CELSR1: variants seen among roughly 807,000 people sequenced by gnomAD.
The protein encoded by CELSR1 is adhesion G protein-coupled receptor C1.
In CELSR1, 110 loss-of-function variants were observed where a neutral mutation model predicts 249.1. That is an observed-to-expected ratio of 0.44 (90% confidence interval 0.38 to 0.52). The LOEUF is 0.52. CELSR1 is among the 20% of genes least tolerant of loss of function. CELSR1 has a pLI of 0.00. For missense variants in CELSR1, 4,109 were observed against 4,296.4 expected, an observed-to-expected ratio of 0.96 and a Z score of 1.22; for synonymous variants, 2,113 against 1,900.0, an observed-to-expected ratio of 1.11 and a Z score of -2.92.
In CELSR1 at chr22:46,372,863, G is replaced by A. The variant is rs2147187237; in HGVS notation, c.7759+20C>T. On this transcript the variant is annotated intron_variant, in intron 25 of 34. Coordinates refer to ENST00000674500, the MANE Select transcript of CELSR1 (RefSeq NM_001378328.1). ...TTGGAAATCTGTGGTTTTATGCAGG[G>A]CCACTCTGTGCATCCTCACCTGTGA... The A allele has an allele frequency of 6.3e-7, 1 of 1,588,016 alleles. No individual in the cohort carries two copies. Among genetic ancestry groups the A allele is most frequent in the South Asian group, 1.1e-5 (1 of 87,912 alleles).
chr22:46,532,144 G>A (rs1047732105), intron 1 of CELSR1, among the ~76,000 whole-genome samples: 1 of 152,230 alleles, frequency 6.6e-6, no homozygotes, highest in African/African-American at 2.4e-5. Context: ...CCTGCCCCCA[G>A]CATGGATCTG....
intron 1 of CELSR1, among the ~76,000 whole-genome samples, chr22:46,516,622 G>A (rs1400984538): frequency 2.6e-5 from 4 of 152,098 alleles, no homozygotes; most frequent in African/African-American, 9.7e-5. Flanking sequence ...TTAGAAGCAT[G>A]AGCCACCACA....
At position 46,536,095 on chromosome 22, in the gene CELSR1, C is replaced by A. The variant is rs745482181; in HGVS notation, c.1076G>T (p.Arg359Leu). Residue 359 changes from arginine to leucine, a missense_variant, in exon 1 of 35, where the codon CGC becomes CTC. By Grantham distance (102) the Arg-to-Leu change is moderately radical. Around this residue, in one of 7 missense-constraint regions of CELSR1, gnomAD observed 673 missense variants for 636.8 expected, o/e 1.06. Coordinates refer to ENST00000674500, the MANE Select transcript of CELSR1 (RefSeq NM_001378328.1). ...CTCCAGGTTCTCCCGCACGCGCTCG[C>A]GGTACTCCGACTGCTCGAAGACCGG... is the stretch of plus-strand genomic sequence containing the variant. ...HSPVFEQSEY[R>L]ERVRENLEVG... 2 of 1,611,946 alleles carry A rather than the reference C, an allele frequency of 1.2e-6. No individual in the cohort carries two copies. The highest frequency in any genetic ancestry group is 1.7e-5 in the Admixed American group (1 of 60,002).
chr22:46,415,078 A>C (rs375271208), intron 5 of CELSR1, among the ~76,000 whole-genome samples: 4 of 152,348 alleles, frequency 2.6e-5, no homozygotes, highest in East Asian at 1.9e-4. Flanking sequence ...GCACATCCAC[A>C]GACACAGAGC....
intron 1 of CELSR1, among the ~76,000 whole-genome samples, chr22:46,516,299 C>A (rs2080627238): frequency 6.6e-6 from 1 of 152,128 alleles, no homozygotes; most frequent in Non-Finnish European, 1.5e-5. Context: ...GAGTTCATGT[C>A]CTTTGTAAGG....
intron 27 of CELSR1, 70 bp from the exon 28 acceptor site, chr22:46,367,925 CGTCCACCT>C (rs921472438): frequency 2.0e-6 from 3 of 1,520,028 alleles, no homozygotes; most frequent in Non-Finnish European, 2.7e-6. Context: ...CCTCTCTGCA[CGTCCACCT>C]GTCCACCTGC....
chr22:46,465,281 C>T (rs1036914232), intron 1 of CELSR1, among the ~76,000 whole-genome samples: 1 of 147,832 alleles, frequency 6.8e-6, no homozygotes, highest in African/African-American at 2.5e-5. Flanking sequence ...AGGCCTGGCT[C>T]GGATTCTGTG....
chr22:46,397,251 G>A (rs138849668), intron 12 of CELSR1, among the ~76,000 whole-genome samples: 178 of 148,728 alleles, frequency 1.2e-3, no homozygotes, highest in African/African-American at 4.1e-3. Flanking sequence ...CTACAGATGC[G>A]TGCCACCATG....
At chr22:46,478,018 C>G (rs2080227638) in intron 1 of CELSR1, among the ~76,000 whole-genome samples, 1 of 152,194 alleles carries the variant, frequency 6.6e-6, no homozygotes, top group Non-Finnish European at 1.5e-5. Context: ...ACACATGTCT[C>G]CAGACAACAC....
chr22:46,481,304 CG>C (rs1392901304), intron 1 of CELSR1: 1 of 580,050 alleles, frequency 1.7e-6, no homozygotes, highest in African/African-American at 1.9e-5. Flanking sequence ...CCCTCAGCCC[CG>C]ATGGCCACTG....
chr22:46,503,282 AG>A (rs754502660), intron 1 of CELSR1, among the ~76,000 whole-genome samples: 28 of 152,252 alleles, frequency 1.8e-4, no homozygotes, highest in Non-Finnish European at 3.7e-4. Context: ...TGGGAGATTC[AG>A]CCTCTGCTTC....
chr22:46,534,168 C>T lies in CELSR1; in HGVS notation c.3003G>A (p.Lys1001=). 1 of 1,613,886 alleles carries T rather than the reference C, an allele frequency of 6.2e-7. No individual in the cohort carries two copies. Among genetic ancestry groups the T allele is most frequent in the South Asian group, 1.1e-5 (1 of 91,084 alleles). ...CCTCAACAAACAGCTCCAGTTCGTCCTTCTCAAACATGGGGGCATTGTCAT... is the reference window on the plus strand; with the variant it reads ...CCTCAACAAACAGCTCCAGTTCGTCTTTCTCAAACATGGGGGCATTGTCAT... The part of the protein sequence containing the change: ...DINDNAPMFE[K]DELELFVEEN... The change falls in exon 1 of 35, where the codon AAG becomes AAA. Residue 1001 remains lysine, a synonymous_variant. Coordinates refer to ENST00000674500, the MANE Select transcript of CELSR1 (RefSeq NM_001378328.1). The surrounding 1 kb of genome is among the most constrained non-coding windows in gnomAD (Gnocchi z 9.7).
chr22:46,486,271 G>C (rs998939950), intron 1 of CELSR1, among the ~76,000 whole-genome samples: 1 of 151,110 alleles, frequency 6.6e-6, no homozygotes, highest in South Asian at 2.1e-4. Flanking sequence ...CATCAAGGCC[G>C]GGCACGCTGG....
At chr22:46,366,541 G>T (rs1569104340) in intron 29 of CELSR1, 61 bp from the exon 30 acceptor site, 2 of 1,313,456 alleles carry the variant, frequency 1.5e-6, no homozygotes, top group Non-Finnish European at 1.1e-6. Context: ...CCACCACGGG[G>T]AATGACTCTG....
chr22:46,430,264 G>A lies in CELSR1; in HGVS notation c.4611+3129C>T, dbSNP rs565607452. 6.6e-6 allele frequency among the ~76,000 whole-genome samples: 1 copy of A among 152,216 alleles called. No individual in the cohort carries two copies. Among genetic ancestry groups the A allele is most frequent in the Non-Finnish European group, 1.5e-5 (1 of 68,044 alleles). ...ATGCTTCCACCCTCTCCAGACTGCT[G>A]TATGCTGAATTTTTTCAAGTATGTT... On this transcript the variant is annotated intron_variant, in intron 5 of 34. Coordinates refer to ENST00000674500, the MANE Select transcript of CELSR1 (RefSeq NM_001378328.1). This position sits in a 1 kb window ranked among gnomAD's most constrained non-coding sequence, Gnocchi z 4.6.
At chr22:46,495,574 G>A (rs927922050) in intron 1 of CELSR1, among the ~76,000 whole-genome samples, 11 of 152,188 alleles carry the variant, frequency 7.2e-5, no homozygotes, top group South Asian at 2.1e-4. Context: ...AGTGGCTCAC[G>A]CCTGTAATCC....
rs1252481219 is a variant in CELSR1 at position 46,386,402 on chromosome 22, T to A, written c.6739A>T (p.Ile2247Phe). The A allele has an allele frequency of 6.4e-7, 1 of 1,564,050 alleles. No homozygotes were observed. Among genetic ancestry groups the A allele is most frequent in the Non-Finnish European group, 8.7e-7 (1 of 1,154,112 alleles). The change falls in exon 19 of 35, where the codon ATT (isoleucine) becomes TTT (phenylalanine). Residue 2247 changes from isoleucine (I) to phenylalanine (F), a missense_variant and splice_region_variant. Transcript: ENST00000674500. ...RPFVIVTANM[I>F]LAVDIFDKFN... ...ACCCCCAACGCAGCCAGCGCCTTAC[T>A]CATGTTGGCGGTGACGATGACGAAG... is the stretch of plus-strand genomic sequence containing the variant.
In CELSR1 at chr22:46,464,136, C is replaced by T. The variant is rs920016988; in HGVS notation, c.3754G>A (p.Asp1252Asn). 6.2e-6 allele frequency: 10 copies of T among 1,613,674 alleles called. No homozygotes were observed. The highest frequency in any genetic ancestry group is 4.5e-5 in the East Asian group (2 of 44,888). ...VFVFNVQNDTDVSSNILNVTF... is the reference protein window; with the variant it reads ...VFVFNVQNDTNVSSNILNVTF... ...ACGTTCAGGATGTTGGAGCTGACGT[C>T]GGTGTCGTTCTGGACGTTGAAGACG... is the stretch of plus-strand genomic sequence containing the variant. Residue 1252 changes from aspartate to asparagine, a missense_variant, in exon 2 of 35, where the codon GAC becomes AAC. Physicochemically the swap from Asp to Asn is conservative, Grantham distance 23 (BLOSUM62 1). Transcript: ENST00000674500. This position sits in a 1 kb window ranked among gnomAD's most constrained non-coding sequence, Gnocchi z 8.5.
In CELSR1 at chr22:46,413,894, A is replaced by C. The variant is rs1224292199; in HGVS notation, c.4612-2135T>G. On this transcript the variant is annotated intron_variant, in intron 5 of 34. Transcript: ENST00000674500. This position sits in a 1 kb window ranked among gnomAD's most constrained non-coding sequence, Gnocchi z 4.7. ...CCCCACCTTATCTTTACAACTTATA[A>C]TTTACATTTTTGGGGCTGGGCGTGA... 6.6e-6 allele frequency among the ~76,000 whole-genome samples: 1 copy of C among 152,122 alleles called. No homozygotes were observed. The highest frequency in any genetic ancestry group is 6.6e-5 in the Admixed American group (1 of 15,254).
Sources: allele counts gnomAD v4.1 joint callset (sites outside exome capture counted in the v4.1 genomes callset), GRCh38; gene constraint gnomAD v4.1.1; regional missense constraint gnomAD v4.1.1; non-coding constraint Gnocchi (gnomAD v3.1); transcripts MANE v1.5; gene names NCBI Gene and HGNC (gene_info 2026-07-23, HGNC 2026-07-21).